TNFSF9: variants seen among roughly 807,000 people sequenced by gnomAD.
TNFSF9 encodes tumor necrosis factor ligand superfamily member 9.
In TNFSF9, 10 loss-of-function variants were observed where a neutral mutation model predicts 10.3. The observed-to-expected ratio is 0.97, with a 90% CI of 0.60 to 1.65. The LOEUF (loss-of-function observed/expected upper bound fraction) is 1.65. Ranked by LOEUF, TNFSF9 falls within the 40% of genes most tolerant of loss-of-function variation. TNFSF9 has a pLI of 0.00. For synonymous variants in TNFSF9, 195 were observed against 176.1 expected, an observed-to-expected ratio of 1.11 and a Z score of -0.85; for missense variants, 361 against 348.9, an observed-to-expected ratio of 1.03 and a Z score of -0.28.
Position 6,534,743 on chromosome 19 carries a change from G to C in TNFSF9, c.442G>C (p.Glu148Gln), listed in dbSNP as rs774570395. ...AGVYYVFFQLELRRVVAGEGS... is the reference protein window; with the variant it reads ...AGVYYVFFQLQLRRVVAGEGS... ...AGTCTACTATGTCTTCTTTCAACTA[G>C]AGCTGCGGCGCGTGGTGGCCGGCGA... Residue 148 changes from glutamate (E) to glutamine (Q), a missense_variant, in exon 3 of 3, where the codon GAG becomes CAG. Glu to Gln is a conservative substitution (Grantham distance 29). Transcript: ENST00000245817. The C allele has an allele frequency of 3.1e-6, 5 of 1,598,096 alleles. No individual in the cohort carries two copies. The highest frequency in any genetic ancestry group is 1.1e-5 in the South Asian group (1 of 88,912).
rs1019343867 is a variant in TNFSF9, at chr19:6,531,273, C to T, written c.237C>T (p.Asp79=). 6.6e-7 allele frequency: 1 copy of T among 1,507,140 alleles called. No homozygotes were observed. The highest frequency in any genetic ancestry group is 8.8e-7 in the Non-Finnish European group (1 of 1,136,896). The allele number at this position is 1,507,140 out of a possible 1,614,324, so 93.4% of individuals were successfully genotyped here. A position where few individuals can be genotyped will look rare whatever the true frequency, so the allele number is the denominator to read the frequency against. ...RLREGPELSP[D]DPAGLLDLRQ... is the part of the protein sequence containing the mutation. ...GCGAGGGTCCCGAGCTTTCGCCCGA[C>T]GATCCCGCCGGCCTCTTGGACCTGC... is the stretch of plus-strand genomic sequence containing the variant. The change falls in exon 1 of 3, where the codon GAC becomes GAT. Residue 79 remains aspartate (D), a synonymous_variant. Transcript: ENST00000245817.
chr19:6,534,064 C>T (rs1915210849), intron 2 of TNFSF9, among the ~76,000 whole-genome samples: 1 of 103,840 alleles, frequency 9.6e-6, no homozygotes, highest in Admixed American at 1.1e-4. Context: ...CCTTTCCTTC[C>T]TTCTCTCCCT....
In TNFSF9 at chr19:6,534,688, C is replaced by T; in HGVS notation, c.387C>T (p.Asp129=). 1 of 1,593,154 alleles carries T rather than the reference C, an allele frequency of 6.3e-7. No individual in the cohort carries two copies. Among genetic ancestry groups the T allele is most frequent in the Non-Finnish European group, 8.5e-7 (1 of 1,170,460 alleles). Residue 129 remains aspartate (D), a synonymous_variant, in exon 3 of 3, where the codon GAC becomes GAT. Transcript: ENST00000245817. ...CGGGGGGCCTGAGCTACAAAGAGGACACGAAGGAGCTGGTGGTGGCCAAGG... is the reference window on the plus strand; with the variant it reads ...CGGGGGGCCTGAGCTACAAAGAGGATACGAAGGAGCTGGTGGTGGCCAAGG... The part of the protein sequence containing the change: ...SLTGGLSYKE[D]TKELVVAKAG...
At position 6,531,270 on chromosome 19, in the gene TNFSF9, C is replaced by G. The variant is rs368392154; in HGVS notation, c.234C>G (p.Pro78=). Residue 78 remains proline (P), a synonymous_variant, in exon 1 of 3, where the codon CCC becomes CCG. Coordinates refer to ENST00000245817, the MANE Select transcript of TNFSF9 (RefSeq NM_003811.4). ...PRLREGPELS[P]DDPAGLLDLR... is the part of the protein sequence containing the mutation. ...TCCGCGAGGGTCCCGAGCTTTCGCC[C>G]GACGATCCCGCCGGCCTCTTGGACC... 2.6e-4 allele frequency: 396 copies of G among 1,509,392 alleles called. 1 individual carries two copies. In the East Asian group the frequency reaches 8.0e-3, roughly 30 times the overall value. The allele number at this position is 1,509,392 out of a possible 1,614,324, so 93.5% of individuals were successfully genotyped here.
chr19:6,533,425 C>T (rs1348874753), intron 2 of TNFSF9, among the ~76,000 whole-genome samples: 2 of 122,050 alleles, frequency 1.6e-5, no homozygotes, highest in Non-Finnish European at 3.5e-5. Context: ...CTTCCCCTCC[C>T]AGAGACCCCC....
In TNFSF9 at chr19:6,535,012, C is replaced by T. The variant is rs758859325; in HGVS notation, c.711C>T (p.Leu237=). The T allele has an allele frequency of 5.7e-6, 9 of 1,592,252 alleles. No homozygotes were observed. The highest frequency in any genetic ancestry group is 7.7e-6 in the Non-Finnish European group (9 of 1,168,182). The change falls in exon 3 of 3, where the codon CTC becomes CTT. Residue 237 remains leucine (L), a synonymous_variant. Coordinates refer to ENST00000245817, the MANE Select transcript of TNFSF9 (RefSeq NM_003811.4). ...QLTQGATVLG[L]FRVTPEIPAG... ...CCCAGGGCGCCACAGTCTTGGGACT[C>T]TTCCGGGTGACCCCCGAAATCCCAG...
chr19:6,532,266 CGTGTGTGT>C (rs3043218), intron 1 of TNFSF9, among the ~76,000 whole-genome samples: 45 of 139,824 alleles, frequency 3.2e-4, no homozygotes, highest in Non-Finnish European at 4.4e-4. Flanking sequence ...CCACCAGCTT[CGTGTGTGT>C]GTGTGTGTGT....
rs1381535662 is a variant in TNFSF9 at position 6,535,284 on chromosome 19, A to AT, written c.*219dup. The AT allele has an allele frequency of 1.4e-5, 2 of 142,506 alleles. No individual in the cohort carries two copies. The highest frequency in any genetic ancestry group is 5.9e-5 in the African/African-American group (2 of 33,898). The allele number at this position is 142,506 out of a possible 1,614,324, so 8.8% of individuals were successfully genotyped here. A position where few individuals can be genotyped will look rare whatever the true frequency, so the allele number is the denominator to read the frequency against. Reference sequence around the variant, plus strand: ...CCTGAGCTCAGATAATATATTATATATATTATATATATATATATATTTCTA... The same window carrying AT: ...CCTGAGCTCAGATAATATATTATATATTATTATATATATATATATATTTCTA... On this transcript the variant is annotated 3_prime_UTR_variant, in exon 3 of 3. Transcript: ENST00000245817.
chr19:6,533,935 TC>T (rs1293976026), intron 2 of TNFSF9, among the ~76,000 whole-genome samples: 2 of 88,458 alleles, frequency 2.3e-5, no homozygotes, highest in African/African-American at 9.4e-5. Flanking sequence ...TCTTACCAGG[TC>T]CCCTGTCCAC....
intron 2 of TNFSF9, among the ~76,000 whole-genome samples, 162 bp downstream of exon 2, chr19:6,532,978 G>T (rs1175208106): frequency 6.6e-6 from 1 of 151,790 alleles, no homozygotes; most frequent in Non-Finnish European, 1.5e-5. Flanking sequence ...GAACGCCACC[G>T]ATCCCTCTTT....
At chr19:6,532,516 TGTTTGC>T (rs949837514) in intron 1 of TNFSF9, among the ~76,000 whole-genome samples, 2 of 151,346 alleles carry the variant, frequency 1.3e-5, no homozygotes, top group African/African-American at 4.9e-5. Flanking sequence ...TGTGTGTTTG[TGTTTGC>T]GTTCGTGTGT....
rs1003266757 is a variant in TNFSF9, at chr19:6,534,663, C to T, written c.362C>T (p.Thr121Met). The T allele has an allele frequency of 2.5e-5, 39 of 1,590,294 alleles. No individual in the cohort carries two copies. The highest frequency in any genetic ancestry group is 3.1e-5 in the Non-Finnish European group (36 of 1,169,102). The change falls in exon 3 of 3, where the codon ACG becomes ATG. Residue 121 changes from threonine (T) to methionine (M), a missense_variant. Transcript: ENST00000245817. Reference sequence around the variant, plus strand: ...CCAGGCCTGGCAGGCGTGTCCCTGACGGGGGGCCTGAGCTACAAAGAGGAC... The same window carrying T: ...CCAGGCCTGGCAGGCGTGTCCCTGATGGGGGGCCTGAGCTACAAAGAGGAC... ...SDPGLAGVSLTGGLSYKEDTK... is the reference protein window; with the variant it reads ...SDPGLAGVSLMGGLSYKEDTK...
chr19:6,534,567 CAGCTA>C (rs1289345219), intron 2 of TNFSF9, 28 bp from the exon 3 acceptor site: 5 of 1,532,642 alleles, frequency 3.3e-6, no homozygotes, highest in South Asian at 1.2e-5. Context: ...GGGACATGCT[CAGCTA>C]AGCTAAGTGC....
At chr19:6,532,859 C>G (rs751635901) in intron 2 of TNFSF9, 43 bp downstream of exon 2, 1 of 1,613,150 alleles carries the variant, frequency 6.2e-7, no homozygotes, top group Admixed American at 1.7e-5. Flanking sequence ...CCCCCACCAT[C>G]CCCACCCCGG....
intron 2 of TNFSF9, among the ~76,000 whole-genome samples, chr19:6,533,885 C>A (rs1915206580): frequency 1.7e-5 from 1 of 57,224 alleles, no homozygotes; most frequent in Non-Finnish European, 3.6e-5. Flanking sequence ...AACCCCTCCC[C>A]CACCCCTTCC....
chr19:6,532,971 C>T (rs4807876), intron 2 of TNFSF9, among the ~76,000 whole-genome samples, 155 bp downstream of exon 2: 7,061 of 151,918 alleles, frequency 0.046, 386 homozygotes, highest in African/African-American at 0.13. Flanking sequence ...CCTCTTTGAA[C>T]GCCACCGATC....
chr19:6,532,413 GTGTT>G (rs3073805), intron 1 of TNFSF9, among the ~76,000 whole-genome samples: 8,528 of 81,586 alleles, frequency 0.1, 359 homozygotes, highest in African/African-American at 0.23. Context: ...GTGGGTGTTT[GTGTT>G]TGTTCGTTCG....
At position 6,534,070 on chromosome 19, in the gene TNFSF9, TCC is replaced by T. The variant is rs1451599215; in HGVS notation, c.299-528_299-527del. 4.6e-4 allele frequency among the ~76,000 whole-genome samples: 62 copies of T among 134,104 alleles called. No individual in the cohort carries two copies. The South Asian group carries it at 4.9e-3, about 11-fold the overall frequency. The allele number at this position is 134,104 out of a possible 152,430, so 88.0% of individuals were successfully genotyped here. A position where few individuals can be genotyped will look rare whatever the true frequency, so the allele number is the denominator to read the frequency against. ...CTCCTCTCCCCTTTCCTTCCTTCTC[TCC>T]CTTCTCCTCCCCCCATCTCCATCCT... is the stretch of plus-strand genomic sequence containing the variant. On this transcript the variant is annotated intron_variant, in intron 2 of 2. Transcript: ENST00000245817.
intron 1 of TNFSF9, among the ~76,000 whole-genome samples, chr19:6,532,188 G>A (rs1281318240): frequency 6.6e-6 from 1 of 152,144 alleles, no homozygotes; most frequent in African/African-American, 2.4e-5. Context: ...CCCCCAAGGG[G>A]GCTGGAAAGA....
Sources: allele counts gnomAD v4.1 joint callset (sites outside exome capture counted in the v4.1 genomes callset), GRCh38; gene constraint gnomAD v4.1.1; transcripts MANE v1.5; gene names NCBI Gene and HGNC (gene_info 2026-07-23, HGNC 2026-07-21).